Variants in DPP10 observed in about 807,000 individuals in gnomAD.
The protein encoded by DPP10 is inactive dipeptidyl peptidase 10.
A neutral mutation model predicts 120.9 loss-of-function variants in DPP10; 33 were observed. The ratio of observed to expected loss-of-function variants is 0.27; its 90% CI spans 0.21 to 0.37. The LOEUF is 0.37. Ranked by LOEUF, DPP10 falls within the 10% of genes least tolerant of loss-of-function variation. DPP10 has a pLI of 1.00. For synonymous variants in DPP10, 337 were observed against 326.1 expected, an observed-to-expected ratio of 1.03 and a Z score of -0.36; for missense variants, 816 against 942.8, an observed-to-expected ratio of 0.87 and a Z score of 1.76.
At chr2:115,279,704 C>T (rs1216740691) in intron 1 of DPP10, among the ~76,000 whole-genome samples, 1 of 130,856 alleles carries the variant, frequency 7.6e-6, no homozygotes, top group African/African-American at 3.0e-5. Flanking sequence ...TTCTGTCGCC[C>T]AGGCTGGAGT....
intron 1 of DPP10, among the ~76,000 whole-genome samples, chr2:114,755,633 C>G (rs1679655848): frequency 6.6e-6 from 1 of 152,128 alleles, no homozygotes; most frequent in Non-Finnish European, 1.5e-5. Flanking sequence ...AGGTGTTCTA[C>G]TGTGATAGAA....
intron 1 of DPP10, among the ~76,000 whole-genome samples, chr2:114,818,250 AAAAT>A (rs1685801659): frequency 6.6e-6 from 1 of 152,212 alleles, no homozygotes; most frequent in Non-Finnish European, 1.5e-5. Flanking sequence ...GCCAAAAGAA[AAAAT>A]TATAAAAACA....
intron 1 of DPP10, among the ~76,000 whole-genome samples, chr2:114,655,520 C>G (rs1696903854): frequency 6.6e-6 from 1 of 152,146 alleles, no homozygotes; most frequent in South Asian, 2.1e-4. Context: ...GACTAGTGCT[C>G]TTTTTACTGG....
At chr2:115,716,682 TA>T (rs879569137) in intron 7 of DPP10, among the ~76,000 whole-genome samples, 8 of 151,244 alleles carry the variant, frequency 5.3e-5, no homozygotes, top group South Asian at 2.1e-4. Flanking sequence ...AAGAATATAG[TA>T]AAAAAAAAGT....
At position 114,790,631 on chromosome 2, in the gene DPP10, TAC is replaced by T. The variant is rs775896443; in HGVS notation, c.60+347795_60+347796del. Reference sequence around the variant, plus strand: ...AGGATTTGGGTAGGTAAAGGAAAATTACAGTCAAAGGGGGTTTGTTCTCTGGC... The same window carrying T: ...AGGATTTGGGTAGGTAAAGGAAAATTAGTCAAAGGGGGTTTGTTCTCTGGC... On this transcript the variant is annotated intron_variant, in intron 1 of 25. Coordinates refer to ENST00000410059, the MANE Select transcript of DPP10 (RefSeq NM_020868.6). 1.5e-4 allele frequency among the ~76,000 whole-genome samples: 23 copies of T among 151,304 alleles called. No individual in the cohort carries two copies. The East Asian group carries it at 1.8e-3, about 12-fold the overall frequency.
At chr2:115,673,421 G>A (rs967800860) in intron 5 of DPP10, among the ~76,000 whole-genome samples, 4 of 152,098 alleles carry the variant, frequency 2.6e-5, no homozygotes, top group Admixed American at 1.3e-4. Flanking sequence ...TTCACTTCAA[G>A]TATTATAATA....
chr2:114,876,144 A>G (rs1252189322), intron 1 of DPP10, among the ~76,000 whole-genome samples: 1 of 152,160 alleles, frequency 6.6e-6, no homozygotes, highest in South Asian at 2.1e-4. Flanking sequence ...AAGGCACAGC[A>G]AATACCTTCT....
intron 1 of DPP10, among the ~76,000 whole-genome samples, chr2:115,104,906 T>C (rs1342797464): frequency 6.6e-6 from 1 of 151,814 alleles, no homozygotes; most frequent in Non-Finnish European, 1.5e-5. Flanking sequence ...CTTGGGAGGC[T>C]GAGGCAGGAG....
chr2:115,349,786 C>T (rs1351106165), intron 3 of DPP10, among the ~76,000 whole-genome samples: 1 of 152,062 alleles, frequency 6.6e-6, no homozygotes, highest in Non-Finnish European at 1.5e-5. Flanking sequence ...ATTTGTCATA[C>T]TAGAATTATT....
At chr2:114,557,802 T>C (rs903771976) in intron 1 of DPP10, among the ~76,000 whole-genome samples, 2 of 152,240 alleles carry the variant, frequency 1.3e-5, no homozygotes, top group Non-Finnish European at 2.9e-5. Flanking sequence ...GTAATTGATG[T>C]ATTTGGGGCT....
intron 1 of DPP10, among the ~76,000 whole-genome samples, chr2:115,096,911 T>C (rs563656009): frequency 2.4e-4 from 36 of 152,298 alleles, no homozygotes; most frequent in Non-Finnish European, 4.3e-4. Flanking sequence ...TAAGAATAAA[T>C]AAATCAATAA....
intron 1 of DPP10, among the ~76,000 whole-genome samples, chr2:115,278,374 C>T (rs2060003250): frequency 6.6e-6 from 1 of 152,136 alleles, no homozygotes; most frequent in Non-Finnish European, 1.5e-5. Flanking sequence ...TTACTGATTT[C>T]ACCAGTAATT....
chr2:114,975,492 T>C (rs1013795882), intron 1 of DPP10, among the ~76,000 whole-genome samples: 1 of 152,214 alleles, frequency 6.6e-6, no homozygotes, highest in Admixed American at 6.5e-5. Context: ...CTAGGGGCTA[T>C]GCACTCAAAG....
intron 3 of DPP10, chr2:115,441,048 T>C (rs1362143073): frequency 6.7e-6 from 1 of 149,486 alleles, no homozygotes; most frequent in Non-Finnish European, 1.5e-5. Context: ...CTTATTTACA[T>C]GAGAAGCAAG....
intron 3 of DPP10, among the ~76,000 whole-genome samples, chr2:115,449,439 TGGG>T (rs1446507220): frequency 6.6e-6 from 1 of 151,800 alleles, no homozygotes; most frequent in Non-Finnish European, 1.5e-5. Flanking sequence ...AACAAGAGAG[TGGG>T]GGGCCAATAT....
intron 1 of DPP10, among the ~76,000 whole-genome samples, chr2:115,276,669 T>G (rs1334602470): frequency 2.0e-5 from 3 of 152,202 alleles, no homozygotes; most frequent in African/African-American, 7.2e-5. Flanking sequence ...CTGAGAATTT[T>G]GTAAGATATC....
At chr2:115,789,035 A>G (rs533379892) in intron 17 of DPP10, among the ~76,000 whole-genome samples, 4 of 152,068 alleles carry the variant, frequency 2.6e-5, no homozygotes, top group Middle Eastern at 3.4e-3. Flanking sequence ...GGAGAATGGC[A>G]TGAACCTGGG....
At chr2:115,218,849 T>C (rs2056977149) in intron 1 of DPP10, among the ~76,000 whole-genome samples, 2 of 152,172 alleles carry the variant, frequency 1.3e-5, no homozygotes. Context: ...TAATTGTTTT[T>C]AATTGAAGGA....
At chr2:114,768,892 G>GT in intron 1 of DPP10, among the ~76,000 whole-genome samples, 1 of 152,120 alleles carries the variant, frequency 6.6e-6, no homozygotes, top group East Asian at 1.9e-4. Context: ...CAGATTAGTG[G>GT]TAGGGCAGGG....
Sources: gnomAD v4.1 joint callset for allele counts (sites outside exome capture counted in the v4.1 genomes callset) on GRCh38, gnomAD v4.1.1 for gene constraint, MANE v1.5 for transcripts, NCBI Gene and HGNC (gene_info 2026-07-23, HGNC 2026-07-21) for gene names.